MAF: variants seen among roughly 807,000 people sequenced by gnomAD.
MAF encodes MAF bZIP transcription factor.
Under a neutral mutation model 22.0 loss-of-function variants are expected in MAF, and 10 were observed. The ratio of observed to expected loss-of-function variants is 0.45; its 90% CI spans 0.28 to 0.77. The LOEUF (loss-of-function observed/expected upper bound fraction) is 0.77, where lower values mean the gene tolerates loss of function less well. MAF is among the 30% of genes least tolerant of loss of function. The probability of loss-of-function intolerance (pLI) is 0.12; values close to 1 mark genes in which losing one functional copy is unlikely to be tolerated. For missense variants in MAF, 544 were observed against 548.4 expected (o/e 0.99, Z 0.08); for synonymous variants, 337 against 255.8 (o/e 1.32, Z -3.03).
At chr16:79,528,868 C>G in the MAF span, among the ~76,000 whole-genome samples, 1 of 152,166 alleles carries the variant, frequency 6.6e-6, no homozygotes, top group Non-Finnish European at 1.5e-5. Flanking sequence ...AGCTGGCTAC[C>G]TGCAGTAATG....
At chr16:79,417,947 GGA>G in the MAF span, among the ~76,000 whole-genome samples, 3 of 152,078 alleles carry the variant, frequency 2.0e-5, no homozygotes, top group African/African-American at 7.2e-5. Flanking sequence ...GCTTCACCCC[GGA>G]GAGTTTCCCC....
intron 1 of MAF, chr16:79,597,978 C>T (rs1356853104): frequency 9.6e-6 from 10 of 1,043,508 alleles, no homozygotes; most frequent in Non-Finnish European, 1.2e-5. Flanking sequence ...AAGTCACACC[C>T]AGAAGGTTGA....
chr16:79,442,114 C>T, the MAF span, among the ~76,000 whole-genome samples: 1 of 152,226 alleles, frequency 6.6e-6, no homozygotes, highest in African/African-American at 2.4e-5. Context: ...ACCTTGATTT[C>T]AGACTTGCAG....
the MAF span, among the ~76,000 whole-genome samples, chr16:79,307,449 G>A: frequency 6.6e-6 from 1 of 152,236 alleles, no homozygotes; most frequent in Non-Finnish European, 1.5e-5. Context: ...CGCATCAGCA[G>A]CTTTCTGCAT....
the MAF span, among the ~76,000 whole-genome samples, chr16:79,274,921 T>A: frequency 6.6e-6 from 1 of 152,238 alleles, no homozygotes; most frequent in East Asian, 1.9e-4. Flanking sequence ...AGTAGCTGTG[T>A]GATTTTGTGT....
the MAF span, among the ~76,000 whole-genome samples, chr16:79,311,903 C>T: frequency 1.3e-5 from 2 of 152,156 alleles, no homozygotes; most frequent in Admixed American, 6.5e-5. Flanking sequence ...CCTTAGCAAT[C>T]TCTCAGTGCT....
At chr16:79,595,052 A>T in intron 1 of MAF, 5 of 1,049,730 alleles carry the variant, frequency 4.8e-6, no homozygotes, top group Non-Finnish European at 5.7e-6. Context: ...CTTTCATCAG[A>T]TGCTTTTTTG....
the MAF span, among the ~76,000 whole-genome samples, chr16:79,388,815 G>T: frequency 6.6e-6 from 1 of 152,100 alleles, no homozygotes; most frequent in East Asian, 1.9e-4. Flanking sequence ...TCCATTTCAC[G>T]GGTGGGAAAA....
the MAF span, among the ~76,000 whole-genome samples, chr16:79,254,559 A>C: frequency 8.5e-5 from 13 of 152,194 alleles, no homozygotes; most frequent in East Asian, 7.7e-4. Flanking sequence ...GACTTGAGAA[A>C]CATCTTAGAG....
chr16:79,258,829 T>G, the MAF span, among the ~76,000 whole-genome samples: 1 of 152,182 alleles, frequency 6.6e-6, no homozygotes, highest in South Asian at 2.1e-4. Flanking sequence ...CCAAGGTCTC[T>G]CTGCACTTCT....
chr16:79,258,391 C>T, the MAF span, among the ~76,000 whole-genome samples: 14 of 152,208 alleles, frequency 9.2e-5, no homozygotes, highest in African/African-American at 3.4e-4. Flanking sequence ...AGACAGGAGT[C>T]TCTAAGCGGA....
At chr16:79,313,196 G>A in the MAF span, among the ~76,000 whole-genome samples, 1 of 152,158 alleles carries the variant, frequency 6.6e-6, no homozygotes, top group Non-Finnish European at 1.5e-5. Context: ...CAGGCACTGG[G>A]CAAGGGCTCA....
At chr16:79,415,369 G>A in the MAF span, among the ~76,000 whole-genome samples, 4 of 149,266 alleles carry the variant, frequency 2.7e-5, no homozygotes, top group Non-Finnish European at 1.5e-5. Flanking sequence ...GCAAGAAGGA[G>A]GAAGGAGGGA....
chr16:79,325,508 T>C, the MAF span, among the ~76,000 whole-genome samples: 5 of 151,904 alleles, frequency 3.3e-5, no homozygotes, highest in South Asian at 1.0e-3. Context: ...AAAGCAGGAT[T>C]TGAATGTGGA....
chr16:79,383,625 C>A, the MAF span, among the ~76,000 whole-genome samples: 1 of 152,166 alleles, frequency 6.6e-6, no homozygotes, highest in Admixed American at 6.5e-5. Flanking sequence ...GCTACTTAAC[C>A]TTATTCAAGG....
the MAF span, among the ~76,000 whole-genome samples, chr16:79,299,567 G>A: frequency 2.4e-4 from 36 of 152,142 alleles, no homozygotes; most frequent in East Asian, 5.8e-3. Flanking sequence ...AGTTATTTCC[G>A]GTGGGTCTGC....
the MAF span, among the ~76,000 whole-genome samples, chr16:79,532,313 A>G: frequency 5.4e-4 from 83 of 152,358 alleles, no homozygotes; most frequent in African/African-American, 2.0e-3. Context: ...CAACAGCATC[A>G]TCCGTAGCCA....
chr16:79,445,470 T>G, the MAF span, among the ~76,000 whole-genome samples: 1 of 152,212 alleles, frequency 6.6e-6, no homozygotes, highest in Non-Finnish European at 1.5e-5. Context: ...ATGTAACATA[T>G]GGAAGACACA....
At chr16:79,471,551 C>G in the MAF span, among the ~76,000 whole-genome samples, 1 of 152,170 alleles carries the variant, frequency 6.6e-6, no homozygotes, top group East Asian at 1.9e-4. Flanking sequence ...GTGGTGCACA[C>G]CTGTAGTTCC....
Sources: gnomAD v4.1 joint callset for allele counts (sites outside exome capture counted in the v4.1 genomes callset) on GRCh38, gnomAD v4.1.1 for gene constraint, MANE v1.5 for transcripts, NCBI Gene and HGNC (gene_info 2026-07-23, HGNC 2026-07-21) for gene names.